Variants in ACSBG1 observed in about 807,000 individuals in gnomAD.
ACSBG1 encodes acyl-CoA synthetase bubblegum family member 1.
ACSBG1 carries 39 observed loss-of-function variants against 80.2 expected under a neutral mutation model. That is an observed-to-expected ratio of 0.49 (90% CI 0.38 to 0.64). The LOEUF is 0.64. ACSBG1 is among the 30% of genes least tolerant of loss of function. The pLI, the probability that ACSBG1 is intolerant of heterozygous loss-of-function variation, is 0.00. For missense variants in ACSBG1, 828 were observed against 966.4 expected (o/e 0.86, Z 1.90); for synonymous variants, 392 against 379.5 (o/e 1.03, Z -0.38).
intron 2 of ACSBG1, among the ~76,000 whole-genome samples, chr15:78,204,111 G>A (rs977793367): frequency 5.9e-5 from 9 of 152,292 alleles, no homozygotes; most frequent in East Asian, 1.9e-4. Context: ...TGCCACTCCC[G>A]GCCTTCTCAA....
intron 8 of ACSBG1, 111 bp downstream of exon 8, chr15:78,181,858 T>C: frequency 1.0e-5 from 14 of 1,371,198 alleles, no homozygotes; most frequent in Non-Finnish European, 1.4e-5. Context: ...GAATTCTGAC[T>C]GATACATGCA....
At chr15:78,182,669 G>A (rs2074960014) in intron 6 of ACSBG1, 36 bp downstream of exon 6, 1 of 1,613,866 alleles carries the variant, frequency 6.2e-7, no homozygotes, top group East Asian at 2.2e-5. Flanking sequence ...GGGCCCAATA[G>A]GCCCCACCTG....
At chr15:78,231,267 T>C (rs1424860343) in intron 1 of ACSBG1, among the ~76,000 whole-genome samples, 4 of 151,446 alleles carry the variant, frequency 2.6e-5, no homozygotes, top group Non-Finnish European at 5.9e-5. Context: ...ATTATAGGCA[T>C]GCGCCACCAC....
chr15:78,206,764 C>T (rs946901193), intron 2 of ACSBG1, among the ~76,000 whole-genome samples: 7 of 152,326 alleles, frequency 4.6e-5, no homozygotes, highest in African/African-American at 1.4e-4. Flanking sequence ...GGCTGCCAGA[C>T]GACAGCCATT....
intron 2 of ACSBG1, among the ~76,000 whole-genome samples, chr15:78,194,992 C>T (rs2075099859): frequency 6.6e-6 from 1 of 152,196 alleles, no homozygotes; most frequent in South Asian, 2.1e-4. Context: ...GACGGAAGTC[C>T]TAGACACTCT....
chr15:78,192,831 G>C (rs142004961), intron 5 of ACSBG1, among the ~76,000 whole-genome samples: 3,328 of 152,244 alleles, frequency 0.022, 65 homozygotes, highest in South Asian at 0.033. Context: ...GTCAGTCTCT[G>C]AGGACTCCCT....
intron 1 of ACSBG1, among the ~76,000 whole-genome samples, chr15:78,231,071 A>G (rs2141395853): frequency 6.6e-6 from 1 of 152,268 alleles, no homozygotes; most frequent in East Asian, 1.9e-4. Flanking sequence ...TTCCCACGTC[A>G]GCCTTCTGAG....
chr15:78,204,249 G>C (rs1226820039), intron 2 of ACSBG1, among the ~76,000 whole-genome samples: 6 of 152,338 alleles, frequency 3.9e-5, no homozygotes, highest in Admixed American at 3.9e-4. Context: ...CATTGTTTTA[G>C]CTTTTTAAAA....
At chr15:78,176,413 A>G (rs1311789023) in intron 11 of ACSBG1, among the ~76,000 whole-genome samples, 1 of 152,216 alleles carries the variant, frequency 6.6e-6, no homozygotes, top group African/African-American at 2.4e-5. Flanking sequence ...ACTGGATTGA[A>G]TATGTGGTCT....
intron 1 of ACSBG1, among the ~76,000 whole-genome samples, chr15:78,218,774 C>G (rs1442002652): frequency 1.5e-5 from 2 of 137,052 alleles, no homozygotes; most frequent in African/African-American, 5.6e-5. Context: ...CAGATTGCAT[C>G]TCCCTTTTTT....
chr15:78,181,489 CTTTTTTTTTTTT>C (rs71145901), intron 8 of ACSBG1, among the ~76,000 whole-genome samples: 1 of 83,044 alleles, frequency 1.2e-5, no homozygotes, highest in East Asian at 3.3e-4. Flanking sequence ...CATCAGGTTT[CTTTTTTTTTTTT>C]TTTTTTTTTT....
intron 5 of ACSBG1, among the ~76,000 whole-genome samples, chr15:78,183,914 T>A (rs761329020): frequency 5.3e-5 from 8 of 151,866 alleles, no homozygotes; most frequent in Non-Finnish European, 1.2e-4. Flanking sequence ...ACTACAAAAT[T>A]TTTAGAAAGG....
intron 1 of ACSBG1, among the ~76,000 whole-genome samples, chr15:78,233,656 A>C (rs999861097): frequency 6.6e-6 from 1 of 152,150 alleles, no homozygotes; most frequent in Non-Finnish European, 1.5e-5. Flanking sequence ...CCTCCTGGAC[A>C]CAAATCACAG....
At chr15:78,179,502 C>T in intron 10 of ACSBG1, 48 bp downstream of exon 10, 1 of 1,555,586 alleles carries the variant, frequency 6.4e-7, no homozygotes, top group Non-Finnish European at 8.8e-7. Context: ...CACAAAGTAC[C>T]AGCAAGGGCG....
At chr15:78,205,408 G>A (rs2141364040) in intron 2 of ACSBG1, among the ~76,000 whole-genome samples, 1 of 152,202 alleles carries the variant, frequency 6.6e-6, no homozygotes. Flanking sequence ...CTCCCCAGAG[G>A]GGCTGCCAGT....
chr15:78,229,626 A>G (rs1282833791), intron 1 of ACSBG1, among the ~76,000 whole-genome samples: 2 of 152,142 alleles, frequency 1.3e-5, no homozygotes, highest in Non-Finnish European at 2.9e-5. Context: ...CGGGAGAGTC[A>G]GCTAGGAGCC....
intron 1 of ACSBG1, among the ~76,000 whole-genome samples, chr15:78,227,340 T>G (rs1339022163): frequency 6.8e-6 from 1 of 148,030 alleles, no homozygotes; most frequent in African/African-American, 2.5e-5. Context: ...ATATAAAGAA[T>G]GCCTACAAAT....
intron 1 of ACSBG1, among the ~76,000 whole-genome samples, chr15:78,216,712 C>T (rs998431843): frequency 1.3e-5 from 2 of 152,144 alleles, no homozygotes; most frequent in Non-Finnish European, 2.9e-5. Context: ...AGGCCTCAAC[C>T]CCCAAGGCTC....
At chr15:78,224,849 T>C (rs2075387381) in intron 1 of ACSBG1, among the ~76,000 whole-genome samples, 1 of 152,196 alleles carries the variant, frequency 6.6e-6, no homozygotes, top group African/African-American at 2.4e-5. Flanking sequence ...CCACTCTTAT[T>C]ATCTCTATTC....
Sources: gnomAD v4.1 joint callset for allele counts (sites outside exome capture counted in the v4.1 genomes callset) on GRCh38, gnomAD v4.1.1 for gene constraint, MANE v1.5 for transcripts, NCBI Gene and HGNC (gene_info 2026-07-23, HGNC 2026-07-21) for gene names.